The following ANKRD36 variants were observed in gnomAD, a reference collection of about 807,000 sequenced individuals.
ANKRD36 encodes ankyrin repeat domain 36.
Under a neutral mutation model 278.1 loss-of-function variants are expected in ANKRD36, and 179 were observed. That is an observed-to-expected ratio of 0.64 (90% CI 0.57 to 0.73). The LOEUF (loss-of-function observed/expected upper bound fraction) is 0.73, where lower values mean the gene tolerates loss of function less well. Ranked by LOEUF, ANKRD36 falls within the 30% of genes least tolerant of loss-of-function variation. ANKRD36 has a pLI of 0.00. For synonymous variants in ANKRD36, 320 were observed against 641.1 expected (o/e 0.50, Z 7.57); for missense variants, 1,159 against 1,956.7 (o/e 0.59, Z 7.69).
At chr2:97,139,713 A>G (rs1043338806) in intron 6 of ANKRD36, among the ~76,000 whole-genome samples, 4 of 152,110 alleles carry the variant, frequency 2.6e-5, no homozygotes, top group African/African-American at 7.2e-5. Context: ...TATCTCTCCC[A>G]TGGCTGTGTT....
At chr2:97,191,265 C>T (rs894447910) in intron 36 of ANKRD36, 84 bp downstream of exon 36, 8 of 1,375,864 alleles carry the variant, frequency 5.8e-6, no homozygotes, top group Middle Eastern at 2.6e-4. Context: ...GCCTGGGGCT[C>T]GTCGAAGCTG....
At chr2:97,213,506 T>TG (rs2065207839) in intron 59 of ANKRD36, 36 bp from the exon 60 acceptor site, 1 of 563,738 alleles carries the variant, frequency 1.8e-6, no homozygotes, top group Admixed American at 3.8e-5. Context: ...GAAACATAGT[T>TG]TATGTATTGA....
intron 32 of ANKRD36, 42 bp downstream of exon 32, chr2:97,187,443 T>C: frequency 1.9e-6 from 2 of 1,027,556 alleles, no homozygotes; most frequent in Non-Finnish European, 2.4e-6. Context: ...TCAATCCAGA[T>C]AGAAAAGAAC....
intron 6 of ANKRD36, among the ~76,000 whole-genome samples, chr2:97,136,644 A>G (rs2041588977): frequency 6.6e-6 from 1 of 151,656 alleles, no homozygotes; most frequent in South Asian, 2.1e-4. Flanking sequence ...GGGGAAAAAT[A>G]CATATTTGGT....
chr2:97,194,220 C>G (rs1339600583), intron 38 of ANKRD36, among the ~76,000 whole-genome samples: 2 of 151,580 alleles, frequency 1.3e-5, no homozygotes, highest in Admixed American at 6.6e-5. Context: ...GACACTTCCA[C>G]TGAAGAGATG....
intron 44 of ANKRD36, among the ~76,000 whole-genome samples, chr2:97,199,669 C>G (rs184011383): frequency 6.6e-6 from 1 of 151,860 alleles, no homozygotes; most frequent in African/African-American, 2.4e-5. Context: ...TATTATCCTT[C>G]GGTGCCAAGA....
intron 6 of ANKRD36, among the ~76,000 whole-genome samples, chr2:97,134,804 G>A (rs1380893096): frequency 6.6e-6 from 1 of 151,944 alleles, no homozygotes; most frequent in African/African-American, 2.4e-5. Context: ...CTGGCAACTT[G>A]CCATACCATT....
At chr2:97,240,994 T>G (rs1465162875) in intron 68 of ANKRD36, among the ~76,000 whole-genome samples, 5 of 143,306 alleles carry the variant, frequency 3.5e-5, no homozygotes, top group South Asian at 2.5e-4. Flanking sequence ...TTTTTTTTTT[T>G]TTTTTTTTTT....
intron 6 of ANKRD36, among the ~76,000 whole-genome samples, chr2:97,134,528 A>T (rs2040985479): frequency 6.6e-6 from 1 of 152,122 alleles, no homozygotes; most frequent in African/African-American, 2.4e-5. Context: ...TAGGCATACA[A>T]ATATGTTTCT....
At chr2:97,193,193 C>G in intron 38 of ANKRD36, 140 bp downstream of exon 38, 2 of 907,420 alleles carry the variant, frequency 2.2e-6, no homozygotes, top group South Asian at 3.6e-5. Context: ...CAAATAAGTT[C>G]TTGGGTGATG....
In ANKRD36 at chr2:97,123,957, T is replaced by TTATATATATA. The variant is rs58038395; in HGVS notation, c.594-494_594-485dup. ...AAGGATATATTATTATCCTCCATAT[T>TTATATATATA]TATATATATATATATATAGTGTTTA... On this transcript the variant is annotated intron_variant, in intron 4 of 75. Transcript: ENST00000420699. Among the ~76,000 whole-genome samples the TTATATATATA allele has an allele frequency of 2.9e-3, 412 of 141,784 alleles. 1 individual carries two copies. Among genetic ancestry groups the TTATATATATA allele is most frequent in the Non-Finnish European group, 4.6e-3 (298 of 65,304 alleles). 93.0% of individuals were successfully genotyped at this position (141,784 alleles called of 152,430 possible).
intron 22 of ANKRD36, among the ~76,000 whole-genome samples, chr2:97,176,787 C>T (rs34344781): frequency 0.56 from 84,696 of 151,312 alleles, 29,366 homozygotes; most frequent in Non-Finnish European, 0.78. Flanking sequence ...CGATTTTTAG[C>T]GCTTCCTTCA....
At chr2:97,136,383 G>A (rs1053489878) in intron 6 of ANKRD36, among the ~76,000 whole-genome samples, 5 of 151,662 alleles carry the variant, frequency 3.3e-5, no homozygotes, top group African/African-American at 1.2e-4. Flanking sequence ...ATAAGAAACT[G>A]GTAAATGTGT....
rs1342297193 is a variant in ANKRD36 at position 97,124,938 on chromosome 2, A to G, written c.731+341A>G. On this transcript the variant is annotated intron_variant, in intron 5 of 75. Transcript: ENST00000420699. ...GTAGTTTCACATCTTTGATTTTTCT[A>G]ATTAGTTATTTGGGTCTCAAAATGT... 1.3e-5 allele frequency among the ~76,000 whole-genome samples: 2 copies of G among 151,780 alleles called. 1 individual carries two copies. Among genetic ancestry groups the G allele is most frequent in the Non-Finnish European group, 2.9e-5 (2 of 67,886 alleles).
chr2:97,199,447 C>G (rs1240490554), intron 44 of ANKRD36, among the ~76,000 whole-genome samples: 2 of 151,892 alleles, frequency 1.3e-5, no homozygotes, highest in Non-Finnish European at 2.9e-5. Context: ...TTTAATGACA[C>G]TTCTTTAGAG....
chr2:97,136,975 A>T (rs1204080455), intron 6 of ANKRD36, among the ~76,000 whole-genome samples: 3 of 152,104 alleles, frequency 2.0e-5, no homozygotes, highest in Non-Finnish European at 4.4e-5. Context: ...GAAAGGAAAA[A>T]GGGTTCTTAA....
chr2:97,230,474 G>A (rs570533278), intron 67 of ANKRD36, among the ~76,000 whole-genome samples: 2 of 152,154 alleles, frequency 1.3e-5, no homozygotes, highest in African/African-American at 2.4e-5. Context: ...CTCGAGCCTC[G>A]GCTTTCAGCT....
rs1468152025 is a variant in ANKRD36 at position 97,190,342 on chromosome 2, G to A, written c.2246-636G>A. On this transcript the variant is annotated intron_variant, in intron 34 of 75. Transcript: ENST00000420699. ...GCCACGACTGGATGAAGAAACTTTC[G>A]GAGGGATAAACTAGTGGATACAAGA... is the stretch of plus-strand genomic sequence containing the variant. Among the ~76,000 whole-genome samples, 3 of 89,026 alleles carry A rather than the reference G, an allele frequency of 3.4e-5. 1 individual carries two copies. Among genetic ancestry groups the A allele is most frequent in the Non-Finnish European group, 7.9e-5 (2 of 25,240 alleles). 58.4% of individuals were successfully genotyped at this position (89,026 alleles called of 152,430 possible).
In ANKRD36 at chr2:97,160,375, T is replaced by C. The variant is rs2918891; in HGVS notation, c.1389+1720T>C. Among the ~76,000 whole-genome samples, 4 of 152,088 alleles carry C rather than the reference T, an allele frequency of 2.6e-5. No individual in the cohort carries two copies. The East Asian group carries it at 5.8e-4, about 22-fold the overall frequency. Reference sequence around the variant, plus strand: ...GGAATATTACTTTTTACTTTTAAAATTATCTCCTACAGTTGGGACATTTTG... The same window carrying C: ...GGAATATTACTTTTTACTTTTAAAACTATCTCCTACAGTTGGGACATTTTG... On this transcript the variant is annotated intron_variant, in intron 17 of 75. Coordinates refer to ENST00000420699, the MANE Select transcript of ANKRD36 (RefSeq NM_001354587.1).
Sources: gnomAD v4.1 joint callset for allele counts (sites outside exome capture counted in the v4.1 genomes callset) on GRCh38, gnomAD v4.1.1 for gene constraint, MANE v1.5 for transcripts, NCBI Gene and HGNC (gene_info 2026-07-23, HGNC 2026-07-21) for gene names.